Variants in EBF1 observed in about 807,000 individuals in gnomAD.
EBF1 encodes EBF transcription factor 1.
In EBF1, 10 loss-of-function variants were observed where a neutral mutation model predicts 68.4. The observed-to-expected ratio is 0.15, with a 90% CI of 0.09 to 0.25. EBF1 has a LOEUF of 0.25. Ranked by LOEUF, EBF1 falls within the 10% of genes least tolerant of loss-of-function variation. The pLI is 1.00. For synonymous variants in EBF1, 298 were observed against 299.8 expected (o/e 0.99, Z 0.06); for missense variants, 509 against 794.4 (o/e 0.64, Z 4.32).
chr5:158,699,472 C>A (rs146265600), intron 15 of EBF1, among the ~76,000 whole-genome samples: 54 of 152,316 alleles, frequency 3.5e-4, no homozygotes, highest in Non-Finnish European at 5.7e-4. Flanking sequence ...TCGAACCTTG[C>A]AAAATAGTGA....
At chr5:158,760,703 C>T (rs1210004941) in intron 10 of EBF1, among the ~76,000 whole-genome samples, 2 of 152,132 alleles carry the variant, frequency 1.3e-5, no homozygotes, top group South Asian at 2.1e-4. Context: ...GATCTTATAC[C>T]GTAAAGGACT....
intron 10 of EBF1, among the ~76,000 whole-genome samples, chr5:158,741,448 G>A (rs910508581): frequency 6.6e-6 from 1 of 152,024 alleles, no homozygotes; most frequent in Non-Finnish European, 1.5e-5. Context: ...GGTGGTATAT[G>A]ACTGTGGTTC....
At chr5:158,917,730 T>C (rs1320219928) in intron 6 of EBF1, among the ~76,000 whole-genome samples, 1 of 152,200 alleles carries the variant, frequency 6.6e-6, no homozygotes, top group Non-Finnish European at 1.5e-5. Flanking sequence ...GTGGTACTCA[T>C]CTATAGCAAA....
At chr5:158,802,944 A>C (rs1478155785) in intron 8 of EBF1, among the ~76,000 whole-genome samples, 1 of 152,118 alleles carries the variant, frequency 6.6e-6, no homozygotes, top group Non-Finnish European at 1.5e-5. Context: ...TTATTGTAAG[A>C]CTTTCCTAAG....
intron 6 of EBF1, among the ~76,000 whole-genome samples, chr5:158,906,821 T>A (rs529912458): frequency 2.0e-5 from 3 of 152,312 alleles, no homozygotes; most frequent in African/African-American, 7.2e-5. Context: ...TAGCGCACTG[T>A]GAAAAATTCA....
chr5:159,058,685 C>G (rs767109918), intron 6 of EBF1, among the ~76,000 whole-genome samples: 8 of 152,220 alleles, frequency 5.3e-5, no homozygotes, highest in Non-Finnish European at 1.0e-4. Flanking sequence ...ACAGATCAAA[C>G]TAATCCAACC....
intron 10 of EBF1, among the ~76,000 whole-genome samples, chr5:158,756,128 A>C (rs1340358879): frequency 6.6e-6 from 1 of 152,002 alleles, no homozygotes; most frequent in Non-Finnish European, 1.5e-5. Flanking sequence ...GTTCTACTGG[A>C]GTCTTGGTTG....
intron 4 of EBF1, among the ~76,000 whole-genome samples, chr5:159,087,404 A>C (rs1036387545): frequency 6.8e-6 from 1 of 148,082 alleles, no homozygotes; most frequent in African/African-American, 2.5e-5. Flanking sequence ...ACATATATAT[A>C]CACACACATA....
chr5:158,963,078 C>G (rs1451985731), intron 6 of EBF1, among the ~76,000 whole-genome samples: 2 of 152,220 alleles, frequency 1.3e-5, no homozygotes, highest in Admixed American at 6.5e-5. Flanking sequence ...TTACTACAAT[C>G]ACGTATCTCC....
chr5:158,927,768 CACTT>C (rs1300745806), intron 6 of EBF1, among the ~76,000 whole-genome samples: 1 of 152,180 alleles, frequency 6.6e-6, no homozygotes, highest in East Asian at 1.9e-4. Flanking sequence ...TCTTTGCTAT[CACTT>C]ACTATGTTCC....
At chr5:158,767,836 T>C (rs17056188) in intron 10 of EBF1, among the ~76,000 whole-genome samples, 5,640 of 152,168 alleles carry the variant, frequency 0.037, 361 homozygotes, top group African/African-American at 0.13. Context: ...TGCTGGCCTA[T>C]GGAGGATCAG....
rs900637985 is a variant in EBF1 at position 158,701,610 on chromosome 5, C to T, written c.1745-2468G>A. Among the ~76,000 whole-genome samples, 12 of 152,196 alleles carry T rather than the reference C, an allele frequency of 7.9e-5. No homozygotes were observed. In the South Asian group the frequency reaches 2.5e-3, roughly 31 times the overall value. ...GTAAGTGAGGATGGAGGTGATGATG[C>T]CAAGGGCATGCCTGGGCAGTGACTC... On this transcript the variant is annotated intron_variant, in intron 15 of 15. Transcript: ENST00000313708.
intron 15 of EBF1, among the ~76,000 whole-genome samples, chr5:158,702,889 A>G (rs1757069201): frequency 6.6e-6 from 1 of 151,820 alleles, no homozygotes; most frequent in Admixed American, 6.6e-5. Context: ...GGGCTGCATG[A>G]TATCTAGGGT....
chr5:158,883,695 G>T (rs542451064), intron 6 of EBF1, among the ~76,000 whole-genome samples: 1 of 152,214 alleles, frequency 6.6e-6, no homozygotes, highest in Non-Finnish European at 1.5e-5. Context: ...GCTTTGGCAG[G>T]TTACGCAGCT....
At chr5:159,021,657 C>G (rs1766709580) in intron 6 of EBF1, among the ~76,000 whole-genome samples, 1 of 152,166 alleles carries the variant, frequency 6.6e-6, no homozygotes, top group Non-Finnish European at 1.5e-5. Context: ...TTAATCAAAC[C>G]CTAATTCCCA....
chr5:159,073,697 G>A (rs1778238956), intron 5 of EBF1: 3 of 525,068 alleles, frequency 5.7e-6, no homozygotes, highest in Non-Finnish European at 1.0e-5. Context: ...GGCTCTCCCA[G>A]AGCCAAGACT....
At chr5:158,991,945 G>T (rs1760411038) in intron 6 of EBF1, among the ~76,000 whole-genome samples, 1 of 152,086 alleles carries the variant, frequency 6.6e-6, no homozygotes, top group African/African-American at 2.4e-5. Context: ...TTAGCTGAAC[G>T]ACCTTCAGCA....
intron 11 of EBF1, among the ~76,000 whole-genome samples, chr5:158,725,045 C>G (rs539597251): frequency 1.3e-5 from 2 of 152,200 alleles, no homozygotes; most frequent in Admixed American, 1.3e-4. Flanking sequence ...TCTTAATTAG[C>G]CTGGTGTTTG....
intron 6 of EBF1, among the ~76,000 whole-genome samples, chr5:158,887,372 C>T (rs1467538203): frequency 6.6e-6 from 1 of 152,100 alleles, no homozygotes. Flanking sequence ...CCATCAACCA[C>T]CCTAGATTTT....
Sources: allele counts gnomAD v4.1 joint callset (sites outside exome capture counted in the v4.1 genomes callset), GRCh38; gene constraint gnomAD v4.1.1; transcripts MANE v1.5; gene names NCBI Gene and HGNC (gene_info 2026-07-23, HGNC 2026-07-21).